The following INSYN2B variants were observed in gnomAD, a reference collection of about 807,000 sequenced individuals.
The protein encoded by INSYN2B is protein INSYN2B.
A neutral mutation model predicts 41.2 loss-of-function variants in INSYN2B; 16 were observed. The observed-to-expected ratio is 0.39, with a 90% confidence interval of 0.26 to 0.59. The LOEUF is 0.59. Ranked by LOEUF, INSYN2B falls within the 20% of genes least tolerant of loss-of-function variation. The pLI, the probability that INSYN2B is intolerant of heterozygous loss-of-function variation, is 0.57. For synonymous variants in INSYN2B, 245 were observed against 244.4 expected, an observed-to-expected ratio of 1.00 and a Z score of -0.02; for missense variants, 608 against 646.4, an observed-to-expected ratio of 0.94 and a Z score of 0.64.
At chr5:169,920,011 T>C (rs1041264263) in intron 1 of INSYN2B, among the ~76,000 whole-genome samples, 2 of 152,250 alleles carry the variant, frequency 1.3e-5, no homozygotes, top group African/African-American at 4.8e-5. Flanking sequence ...TTGTTGAATA[T>C]AGAACCCAGC....
At chr5:169,891,968 C>T (rs925921290) in intron 1 of INSYN2B, among the ~76,000 whole-genome samples, 1 of 149,150 alleles carries the variant, frequency 6.7e-6, no homozygotes, top group African/African-American at 2.5e-5. Context: ...TGCACTCCAG[C>T]CTGGGCAACA....
At chr5:169,965,943 G>C (rs548092587) in intron 1 of INSYN2B, among the ~76,000 whole-genome samples, 4 of 152,288 alleles carry the variant, frequency 2.6e-5, no homozygotes, top group African/African-American at 9.6e-5. Flanking sequence ...CTGGAAAAAG[G>C]CTTCTCCATG....
intron 1 of INSYN2B, among the ~76,000 whole-genome samples, chr5:169,894,962 A>C (rs1241034578): frequency 6.6e-6 from 1 of 152,126 alleles, no homozygotes; most frequent in Non-Finnish European, 1.5e-5. Flanking sequence ...GAGGTCTGCC[A>C]TTTCTTAAGG....
chr5:169,903,053 A>G (rs547818012), intron 1 of INSYN2B, among the ~76,000 whole-genome samples: 6 of 151,932 alleles, frequency 3.9e-5, no homozygotes, highest in South Asian at 4.2e-4. Flanking sequence ...AGCTGAGATC[A>G]CGCCACTGTA....
At chr5:169,897,655 G>T (rs1233648441) in intron 1 of INSYN2B, among the ~76,000 whole-genome samples, 1 of 152,194 alleles carries the variant, frequency 6.6e-6, no homozygotes, top group African/African-American at 2.4e-5. Flanking sequence ...CTGAGTTTCA[G>T]CTAAAGACAG....
At chr5:169,938,567 A>C (rs929632064) in intron 1 of INSYN2B, among the ~76,000 whole-genome samples, 8 of 152,222 alleles carry the variant, frequency 5.3e-5, no homozygotes, top group Non-Finnish European at 8.8e-5. Context: ...AAAATGGTCC[A>C]CCTGTACAGG....
chr5:169,880,820 CA>C (rs1386580962), intron 3 of INSYN2B, among the ~76,000 whole-genome samples: 1 of 152,138 alleles, frequency 6.6e-6, no homozygotes, highest in African/African-American at 2.4e-5. Flanking sequence ...TCCCTTTTGT[CA>C]CTTATAAAAA....
At chr5:169,915,177 T>G (rs1228484712) in intron 1 of INSYN2B, among the ~76,000 whole-genome samples, 2 of 152,198 alleles carry the variant, frequency 1.3e-5, no homozygotes, top group African/African-American at 2.4e-5. Flanking sequence ...AGAAGTTGTC[T>G]CTGGTGGAAG....
intron 1 of INSYN2B, among the ~76,000 whole-genome samples, chr5:169,893,588 A>G (rs936328450): frequency 2.0e-5 from 3 of 151,846 alleles, no homozygotes; most frequent in Admixed American, 6.6e-5. Flanking sequence ...AGAAGAATCT[A>G]GAATCTTTTT....
Position 169,883,145 on chromosome 5 carries a change from A to C in INSYN2B, c.754T>G (p.Ser252Ala). 1.3e-6 allele frequency: 2 copies of C among 1,551,488 alleles called. No homozygotes were observed. The highest frequency in any genetic ancestry group is 1.7e-6 in the Non-Finnish European group (2 of 1,146,900). Residue 252 changes from serine (S) to alanine (A), a missense_variant, in exon 2 of 4, where the codon TCA becomes GCA. Physicochemically the swap from Ser to Ala is moderately conservative, Grantham distance 99. Transcript: ENST00000377365. ...GDGRRVTPLDSEKSTSCLNAT... is the reference protein window; with the variant it reads ...GDGRRVTPLDAEKSTSCLNAT... The stretch of plus-strand genomic sequence containing the variant: ...TTTAAGCAGGAGGTGGATTTTTCTG[A>C]ATCTAGTGGAGTCACCCTTCTCCCA...
chr5:169,924,368 C>T (rs940646367), intron 1 of INSYN2B, among the ~76,000 whole-genome samples: 1 of 152,218 alleles, frequency 6.6e-6, no homozygotes, highest in African/African-American at 2.4e-5. Flanking sequence ...AAAGTCTAAC[C>T]TCTTTTTAGT....
intron 1 of INSYN2B, among the ~76,000 whole-genome samples, chr5:169,958,071 T>C (rs548417192): frequency 2.6e-5 from 4 of 152,220 alleles, no homozygotes; most frequent in African/African-American, 9.6e-5. Context: ...ACGTTCCCTG[T>C]GTGGAACCAA....
chr5:169,969,956 A>G (rs1581486023), intron 1 of INSYN2B, among the ~76,000 whole-genome samples: 1 of 152,260 alleles, frequency 6.6e-6, no homozygotes, highest in East Asian at 1.9e-4. Context: ...CAACAAATTC[A>G]AATGTTTTAA....
At chr5:169,957,991 T>A (rs1178094743) in intron 1 of INSYN2B, among the ~76,000 whole-genome samples, 2 of 152,194 alleles carry the variant, frequency 1.3e-5, no homozygotes, top group Non-Finnish European at 2.9e-5. Context: ...TCACCTTGAC[T>A]GAGATGCTCA....
chr5:169,934,982 C>T (rs772371980), intron 1 of INSYN2B: 38 of 244,720 alleles, frequency 1.6e-4, no homozygotes, highest in Non-Finnish European at 2.2e-4. Flanking sequence ...AGAATGCAAA[C>T]GTTAGCAGCC....
intron 1 of INSYN2B, among the ~76,000 whole-genome samples, chr5:169,963,020 C>T (rs1777155308): frequency 6.6e-6 from 1 of 152,170 alleles, no homozygotes; most frequent in Non-Finnish European, 1.5e-5. Context: ...CATTTTGATG[C>T]TTAAGTGGGG....
chr5:169,964,400 A>G (rs1454476977), intron 1 of INSYN2B, among the ~76,000 whole-genome samples: 2 of 152,176 alleles, frequency 1.3e-5, no homozygotes, highest in Non-Finnish European at 2.9e-5. Flanking sequence ...CATCTGCAGA[A>G]TGTATTTGCA....
Position 169,881,469 on chromosome 5 carries a change from A to C in INSYN2B, c.1347-27T>G, listed in dbSNP as rs2113501349. The stretch of plus-strand genomic sequence containing the variant: ...TGCAAGACAGAGCATTTGCTGGATA[A>C]ATCTATGGGCAAAAGTCACGTGGGC... On this transcript the variant is annotated intron_variant, in intron 2 of 3. Transcript: ENST00000377365. The C allele has an allele frequency of 2.6e-6, 4 of 1,544,808 alleles. No individual in the cohort carries two copies. In the South Asian group the frequency reaches 4.8e-5, roughly 18 times the overall value.
chr5:169,880,343 T>C (rs1035580946), intron 3 of INSYN2B, among the ~76,000 whole-genome samples: 1 of 152,230 alleles, frequency 6.6e-6, no homozygotes, highest in Non-Finnish European at 1.5e-5. Flanking sequence ...CTCTTACTCA[T>C]TGAAATTTCA....
Sources: gnomAD v4.1 joint callset for allele counts (sites outside exome capture counted in the v4.1 genomes callset) on GRCh38, gnomAD v4.1.1 for gene constraint, MANE v1.5 for transcripts, NCBI Gene and HGNC (gene_info 2026-07-23, HGNC 2026-07-21) for gene names.